The following CDH13 variants were observed in gnomAD, a reference collection of about 807,000 sequenced individuals.
CDH13 encodes the protein cadherin 13.
Under a neutral mutation model 63.8 loss-of-function variants are expected in CDH13, and 24 were observed. That is an observed-to-expected ratio of 0.38 (90% CI 0.27 to 0.53). The LOEUF (loss-of-function observed/expected upper bound fraction) is 0.53, where lower values mean the gene tolerates loss of function less well. Ranked by LOEUF, CDH13 falls within the 20% of genes least tolerant of loss-of-function variation. The pLI is 0.85. For synonymous variants in CDH13, 503 were observed against 355.3 expected, an observed-to-expected ratio of 1.42 and a Z score of -4.67; for missense variants, 1,049 against 903.1, an observed-to-expected ratio of 1.16 and a Z score of -2.07.
chr16:83,674,911 G>A (rs1401179506), intron 9 of CDH13, among the ~76,000 whole-genome samples: 2 of 152,110 alleles, frequency 1.3e-5, no homozygotes, highest in South Asian at 2.1e-4. Flanking sequence ...GAAAGCATCC[G>A]TTATTCCCCA....
intron 13 of CDH13, 70 bp downstream of exon 13, chr16:83,783,542 A>T (rs1915679353): frequency 4.6e-6 from 5 of 1,094,958 alleles, no homozygotes; most frequent in Non-Finnish European, 7.0e-6. Flanking sequence ...TGAAGCCAGC[A>T]TTTTCCCATA....
intron 7 of CDH13, among the ~76,000 whole-genome samples, chr16:83,585,159 C>G (rs567128867): frequency 6.6e-6 from 1 of 152,318 alleles, no homozygotes; most frequent in Admixed American, 6.5e-5. Flanking sequence ...GTGCCATACC[C>G]TAAGCTGGCG....
chr16:82,631,154 G>A (rs1415957455), intron 1 of CDH13, among the ~76,000 whole-genome samples: 1 of 152,084 alleles, frequency 6.6e-6, no homozygotes, highest in East Asian at 1.9e-4. Context: ...TATTGTAGTT[G>A]GTTCTGTTCT....
intron 6 of CDH13, among the ~76,000 whole-genome samples, chr16:83,373,664 A>G (rs2091412494): frequency 6.6e-6 from 1 of 152,228 alleles, no homozygotes; most frequent in Non-Finnish European, 1.5e-5. Flanking sequence ...TGTGGATTAA[A>G]GATATAACAC....
chr16:83,354,098 G>T (rs2091009495), intron 6 of CDH13, among the ~76,000 whole-genome samples: 1 of 152,218 alleles, frequency 6.6e-6, no homozygotes, highest in Non-Finnish European at 1.5e-5. Context: ...CTTTTGAAAA[G>T]ATAAACCTGA....
chr16:83,302,649 G>A (rs2089776242), intron 5 of CDH13, among the ~76,000 whole-genome samples: 1 of 152,170 alleles, frequency 6.6e-6, no homozygotes, highest in Admixed American at 6.5e-5. Context: ...ATACTACCAT[G>A]GTTCCTGCTT....
chr16:83,363,603 A>G (rs764493897), intron 6 of CDH13, among the ~76,000 whole-genome samples: 12 of 152,204 alleles, frequency 7.9e-5, no homozygotes, highest in Non-Finnish European at 1.2e-4. Context: ...TCAAAGTGAA[A>G]CTGGCTTCTT....
At chr16:82,713,966 C>G (rs1333207562) in intron 1 of CDH13, among the ~76,000 whole-genome samples, 1 of 152,010 alleles carries the variant, frequency 6.6e-6, no homozygotes, top group Non-Finnish European at 1.5e-5. Flanking sequence ...TTTTTGAGAT[C>G]AAGTTTCACT....
At chr16:83,291,672 G>T (rs1007523790) in intron 5 of CDH13, among the ~76,000 whole-genome samples, 1 of 152,020 alleles carries the variant, frequency 6.6e-6, no homozygotes, top group African/African-American at 2.4e-5. Flanking sequence ...AATAAAACTA[G>T]CCCTGACTGC....
intron 1 of CDH13, among the ~76,000 whole-genome samples, chr16:82,670,638 G>C (rs927683880): frequency 6.6e-6 from 1 of 152,210 alleles, no homozygotes; most frequent in Non-Finnish European, 1.5e-5. Flanking sequence ...GAATGAGCTA[G>C]GCATTTGCAA....
At chr16:82,737,438 C>T (rs1597442061) in intron 1 of CDH13, among the ~76,000 whole-genome samples, 1 of 152,190 alleles carries the variant, frequency 6.6e-6, no homozygotes. Flanking sequence ...GTTTTACCTC[C>T]CACTGAACAA....
At chr16:82,703,251 A>T (rs2031201808) in intron 1 of CDH13, among the ~76,000 whole-genome samples, 1 of 152,096 alleles carries the variant, frequency 6.6e-6, no homozygotes. Context: ...GGTGTATGTA[A>T]CACACTCAGG....
chr16:83,593,173 G>T (rs533102402), intron 7 of CDH13, among the ~76,000 whole-genome samples: 2 of 152,304 alleles, frequency 1.3e-5, no homozygotes, highest in African/African-American at 4.8e-5. Flanking sequence ...TTGCAAGGAC[G>T]CTTGTGATGC....
rs994909267 is a variant in CDH13 at position 83,798,577 on chromosome 16, C to T, written c.*3547C>T. The T allele has an allele frequency of 1.3e-5, 2 of 152,152 alleles. No individual in the cohort carries two copies. Among genetic ancestry groups the T allele is most frequent in the Non-Finnish European group, 2.9e-5 (2 of 68,036 alleles). The allele number at this position is 152,152 out of a possible 1,614,324, so 9.4% of individuals were successfully genotyped here. The stretch of plus-strand genomic sequence containing the variant: ...GAATGGCTTGCCCAAGGTAAGTGGC[C>T]TCCAGAACCAAACCTCAGGCTATCT... On this transcript the variant is annotated 3_prime_UTR_variant, in exon 14 of 14. Transcript: ENST00000567109.
intron 11 of CDH13, among the ~76,000 whole-genome samples, chr16:83,757,207 T>C (rs1313712337): frequency 1.3e-5 from 2 of 152,158 alleles, no homozygotes; most frequent in Non-Finnish European, 2.9e-5. Flanking sequence ...ATATGAAATG[T>C]CAAAACTTGT....
chr16:82,777,438 C>T (rs929667109), intron 1 of CDH13, among the ~76,000 whole-genome samples: 2 of 152,206 alleles, frequency 1.3e-5, no homozygotes, highest in African/African-American at 4.8e-5. Context: ...TAACTCCACA[C>T]TGTGGTCTTT....
At chr16:83,743,741 C>CTATTTTCTTTTTT (rs1815869575) in intron 10 of CDH13, among the ~76,000 whole-genome samples, 1 of 34,506 alleles carries the variant, frequency 2.9e-5, no homozygotes, top group Non-Finnish European at 6.0e-5. Flanking sequence ...TGCCTTTTTT[C>CTATTTTCTTTTTT]TTTTTTCTTT....
At chr16:83,551,829 A>G (rs2075505708) in intron 7 of CDH13, among the ~76,000 whole-genome samples, 1 of 152,146 alleles carries the variant, frequency 6.6e-6, no homozygotes, top group South Asian at 2.1e-4. Flanking sequence ...GGGCCATAAC[A>G]TCTTTTTCAC....
At chr16:82,884,430 G>C (rs954843329) in intron 2 of CDH13, 1 of 312,680 alleles carries the variant, frequency 3.2e-6, no homozygotes, top group African/African-American at 2.2e-5. Context: ...GACAAAGCAA[G>C]ATGCTTAGTT....
Sources: gnomAD v4.1 joint callset for allele counts (sites outside exome capture counted in the v4.1 genomes callset) on GRCh38, gnomAD v4.1.1 for gene constraint, MANE v1.5 for transcripts, NCBI Gene and HGNC (gene_info 2026-07-23, HGNC 2026-07-21) for gene names.